Variants in MORN1 observed in about 807,000 individuals in gnomAD.
MORN1 encodes MORN repeat-containing protein 1.
A neutral mutation model predicts 61.9 loss-of-function variants in MORN1; 67 were observed. That is an observed-to-expected ratio of 1.08 (90% CI 0.89 to 1.33). The LOEUF is 1.33. MORN1 is among the 40% of genes most tolerant of loss of function. The pLI, the probability that MORN1 is intolerant of heterozygous loss-of-function variation, is 0.00. For synonymous variants in MORN1, 301 were observed against 292.0 expected (o/e 1.03, Z -0.31); for missense variants, 752 against 691.2 (o/e 1.09, Z -0.99).
intron 2 of MORN1, among the ~76,000 whole-genome samples, chr1:2,389,211 G>C (rs116181547): frequency 6.6e-6 from 1 of 152,176 alleles, no homozygotes; most frequent in Non-Finnish European, 1.5e-5. Flanking sequence ...CACCACCAAA[G>C]GTTCACGGCA....
intron 10 of MORN1, chr1:2,351,189 GC>G (rs1288873928): frequency 6.6e-6 from 1 of 152,506 alleles, no homozygotes; most frequent in African/African-American, 2.4e-5. Context: ...GAGCACAGCT[GC>G]CCAGGGTGGC....
chr1:2,332,890 G>A, intron 12 of MORN1: 1 of 366,460 alleles, frequency 2.7e-6, no homozygotes, highest in Non-Finnish European at 5.4e-6. Context: ...CTCTGTCGGG[G>A]ACTGGGGCTC....
rs534876462 is a variant in MORN1, at chr1:2,372,030, A to C, written c.745+451T>G. On this transcript the variant is annotated intron_variant, in intron 8 of 13. Coordinates refer to ENST00000378531, the MANE Select transcript of MORN1 (RefSeq NM_024848.3). This position sits in a 1 kb window ranked among gnomAD's most constrained non-coding sequence, Gnocchi z 5.4. Reference sequence around the variant, plus strand: ...CAAAAACTTGTATACACATGTCCACAGCAGCACTATTCATAACAGCCCAAG... The same window carrying C: ...CAAAAACTTGTATACACATGTCCACCGCAGCACTATTCATAACAGCCCAAG... 1.1e-5 allele frequency: 2 copies of C among 187,606 alleles called. No individual in the cohort carries two copies. The highest frequency in any genetic ancestry group is 2.1e-4 in the South Asian group (2 of 9,746). 11.6% of individuals were successfully genotyped at this position (187,606 alleles called of 1,614,324 possible). A position where few individuals can be genotyped will look rare whatever the true frequency, so the allele number is the denominator to read the frequency against.
chr1:2,336,951 G>A (rs967125362), intron 10 of MORN1, 101 bp from the exon 11 acceptor site: 48 of 1,282,740 alleles, frequency 3.7e-5, no homozygotes, highest in South Asian at 3.6e-4. Flanking sequence ...CCAGGGCAGC[G>A]GGCACAGACG....
chr1:2,330,907 G>A (rs567019955), intron 12 of MORN1, among the ~76,000 whole-genome samples: 3 of 152,328 alleles, frequency 2.0e-5, no homozygotes, highest in Admixed American at 1.3e-4. Context: ...TGATTAAACC[G>A]AGTCCTTCTT....
chr1:2,350,191 T>C (rs912639839), intron 10 of MORN1, among the ~76,000 whole-genome samples: 1 of 152,264 alleles, frequency 6.6e-6, no homozygotes, highest in African/African-American at 2.4e-5. Flanking sequence ...CAATGTGCTT[T>C]GTTACTAAAA....
chr1:2,388,380 T>C lies in MORN1; in HGVS notation c.149-43A>G, dbSNP rs188388076. On this transcript the variant is annotated intron_variant, in intron 2 of 13. Coordinates refer to ENST00000378531, the MANE Select transcript of MORN1 (RefSeq NM_024848.3). ...CACGTGAACTCAGACAGTGGTTGGG[T>C]TGACTGCGAATGACACTGTGCAGTG... 4.6e-5 allele frequency: 70 copies of C among 1,520,284 alleles called. No individual in the cohort carries two copies. In the East Asian group the frequency reaches 1.4e-3, roughly 31 times the overall value. 94.2% of individuals were successfully genotyped at this position (1,520,284 alleles called of 1,614,324 possible).
rs560444176 is a variant in MORN1, at chr1:2,351,853, C to G, written c.1036+5579G>C. ...GGCAGCATCTTGCTACTCTTGCCCA[C>G]GGTCACGACTGCCGTTCCCCCAGAT... On this transcript the variant is annotated intron_variant, in intron 10 of 13. Coordinates refer to ENST00000378531, the MANE Select transcript of MORN1 (RefSeq NM_024848.3). The G allele has an allele frequency of 1.8e-5, 9 of 510,298 alleles. 1 individual carries two copies. The East Asian group carries it at 4.4e-4, about 25-fold the overall frequency. The allele number at this position is 510,298 out of a possible 1,614,324, so 31.6% of individuals were successfully genotyped here.
Position 2,336,525 on chromosome 1 carries a change from G to A in MORN1, c.1194C>T (p.Gly398=), listed in dbSNP as rs373366381. 7.8e-4 allele frequency: 1,256 copies of A among 1,612,712 alleles called. 28 individuals carry two copies. In the South Asian group the frequency reaches 0.013, roughly 16 times the overall value. ...LHKKAGGRSR[G]GLHPRGTPPT... is the part of the protein sequence containing the mutation. ...GTGGTGTCCCCCTGGGGTGCAGGCC[G>A]CCTCTGGATCTGCCGCCTGCCTTCT... The change falls in exon 12 of 14, where the codon GGC becomes GGT. Residue 398 remains glycine, a synonymous_variant. Transcript: ENST00000378531.
In MORN1 at chr1:2,327,421, G is replaced by GACACAGAA. The variant is rs201119937; in HGVS notation, c.1251-3286_1251-3279dup. Reference sequence around the variant, plus strand: ...ACAGAAACAAACACAGAGACACAGAGACACAGAAACACAGCGACGCAGAAA... The same window carrying GACACAGAA: ...ACAGAAACAAACACAGAGACACAGAGACACAGAAACACAGAAACACAGCGACGCAGAAA... On this transcript the variant is annotated intron_variant, in intron 12 of 13. Transcript: ENST00000378531. 9.4e-3 allele frequency among the ~76,000 whole-genome samples: 1,411 copies of GACACAGAA among 150,534 alleles called. 12 individuals carry two copies. Among genetic ancestry groups the GACACAGAA allele is most frequent in the Non-Finnish European group, 0.016 (1,086 of 67,584 alleles).
intron 8 of MORN1, among the ~76,000 whole-genome samples, chr1:2,369,036 A>C (rs1355249407): frequency 6.9e-6 from 1 of 144,374 alleles, no homozygotes; most frequent in African/African-American, 2.6e-5. Context: ...CAGCCTGGAC[A>C]ATAAAGCAAG....
rs552193781 is a variant in MORN1 at position 2,326,995 on chromosome 1, GACACAGAAAC to G, written c.1251-2862_1251-2853del. ...GTGGACACACTGGCGCCCACACAGAGACACAGAAACACACAGAAACACACAGAAAGACAGA... is the reference window on the plus strand; with the variant it reads ...GTGGACACACTGGCGCCCACACAGAGACACAGAAACACACAGAAAGACAGA... On this transcript the variant is annotated intron_variant, in intron 12 of 13. Transcript: ENST00000378531. Among the ~76,000 whole-genome samples, 1,386 of 152,308 alleles carry G rather than the reference GACACAGAAAC, an allele frequency of 9.1e-3. 16 individuals are homozygous for G. The highest frequency in any genetic ancestry group is 0.03 in the African/African-American group (1,232 of 41,570).
rs767938061 is a variant in MORN1, at chr1:2,372,510, A to C, written c.716T>G (p.Leu239Arg). ...QGSPFSVNVQ[L>R]LQDHGEIAKS... ...GGCAATTTCCCCGTGGTCCTGCAGC[A>C]GCTGAACGTTCACCGAGAAGGGAGA... is the stretch of plus-strand genomic sequence containing the variant. The change falls in exon 8 of 14, where the codon CTG becomes CGG. Residue 239 changes from leucine to arginine, a missense_variant. Physicochemically the swap from Leu to Arg is moderately radical, Grantham distance 102. Coordinates refer to ENST00000378531, the MANE Select transcript of MORN1 (RefSeq NM_024848.3). The surrounding 1 kb of genome is among the most constrained non-coding windows in gnomAD (Gnocchi z 5.4). 19 of 1,613,832 alleles carry C rather than the reference A, an allele frequency of 1.2e-5. No individual in the cohort carries two copies. In the South Asian group the frequency reaches 2.0e-4, roughly 17 times the overall value.
chr1:2,355,671 C>T (rs1039101), intron 10 of MORN1, among the ~76,000 whole-genome samples: 23,164 of 152,178 alleles, frequency 0.15, 2,425 homozygotes, highest in Admixed American at 0.31. Context: ...GCCGAGTGAC[C>T]GGCCAGGAGT....
At chr1:2,322,319 G>C (rs191374206) in intron 13 of MORN1, 1 of 985,330 alleles carries the variant, frequency 1.0e-6, no homozygotes, top group Admixed American at 6.1e-5. Context: ...AAAGCGCCTC[G>C]GCTGGCCCGG....
At chr1:2,339,007 G>C (rs1641339802) in intron 10 of MORN1, among the ~76,000 whole-genome samples, 1 of 152,166 alleles carries the variant, frequency 6.6e-6, no homozygotes, top group Non-Finnish European at 1.5e-5. Context: ...TATAAAGCCG[G>C]GTTCCTTGAG....
intron 3 of MORN1, 183 bp from the exon 4 acceptor site, chr1:2,387,712 A>C: frequency 1.7e-6 from 1 of 598,486 alleles, no homozygotes; most frequent in Non-Finnish European, 3.0e-6. Context: ...TGGTCTCCCC[A>C]ACAGCTGGGC....
In MORN1 at chr1:2,372,628, G is replaced by A; in HGVS notation, c.635-37C>T. ...CAGAGTGTGGCTTTAGCGGTGACTGGCATGGTCCCCCACCCACCCCATGGC... is the reference window on the plus strand; with the variant it reads ...CAGAGTGTGGCTTTAGCGGTGACTGACATGGTCCCCCACCCACCCCATGGC... On this transcript the variant is annotated intron_variant, in intron 7 of 13. Coordinates refer to ENST00000378531, the MANE Select transcript of MORN1 (RefSeq NM_024848.3). The surrounding 1 kb of genome is among the most constrained non-coding windows in gnomAD (Gnocchi z 5.4). The A allele has an allele frequency of 6.5e-7, 1 of 1,538,490 alleles. No individual in the cohort carries two copies. Among genetic ancestry groups the A allele is most frequent in the Non-Finnish European group, 8.9e-7 (1 of 1,120,694 alleles).
At chr1:2,355,131 C>G in intron 10 of MORN1, 1 of 1,089,738 alleles carries the variant, frequency 9.2e-7, no homozygotes, top group Non-Finnish European at 1.1e-6. Flanking sequence ...TGGTTTCAAT[C>G]GAGACTTTGG....
Sources: allele counts gnomAD v4.1 joint callset (sites outside exome capture counted in the v4.1 genomes callset), GRCh38; gene constraint gnomAD v4.1.1; non-coding constraint Gnocchi (gnomAD v3.1); transcripts MANE v1.5; gene names NCBI Gene and HGNC (gene_info 2026-07-23, HGNC 2026-07-21).